The following TM7SF3 variants were observed in gnomAD, a reference collection of about 807,000 sequenced individuals.
The protein encoded by TM7SF3 is seven span transmembrane protein.
In TM7SF3, 60 loss-of-function variants were observed where a neutral mutation model predicts 65.5. The observed-to-expected ratio is 0.92, with a 90% CI of 0.74 to 1.14. The LOEUF (loss-of-function observed/expected upper bound fraction) is 1.14, where lower values mean the gene tolerates loss of function less well. TM7SF3 is among the 50% of genes most tolerant of loss of function. The pLI is 0.00. For synonymous variants in TM7SF3, 264 were observed against 259.6 expected, an observed-to-expected ratio of 1.02 and a Z score of -0.16; for missense variants, 623 against 684.8, an observed-to-expected ratio of 0.91 and a Z score of 1.01.
At chr12:26,976,673 T>C (rs996343868) in intron 9 of TM7SF3, among the ~76,000 whole-genome samples, 1 of 152,228 alleles carries the variant, frequency 6.6e-6, no homozygotes, top group African/African-American at 2.4e-5. Flanking sequence ...CTCAGTTTCC[T>C]AACCCTCAAA....
At chr12:26,993,589 C>T (rs1940468814) in intron 5 of TM7SF3, among the ~76,000 whole-genome samples, 1 of 152,106 alleles carries the variant, frequency 6.6e-6, no homozygotes, top group African/African-American at 2.4e-5. Context: ...AAGGTCACTC[C>T]ATGTTAAAGT....
At position 26,990,646 on chromosome 12, in the gene TM7SF3, C is replaced by T. The variant is rs12299714; in HGVS notation, c.691-19G>A. 0.21 allele frequency: 335,831 copies of T among 1,603,594 alleles called. 37,499 individuals are homozygous for T. Among genetic ancestry groups the T allele is most frequent in the East Asian group, 0.37 (16,539 of 44,700 alleles). On this transcript the variant is annotated intron_variant, in intron 5 of 11. Transcript: ENST00000343028. ...TAACCACCTGAAGCCAAAAATAACA[C>T]ATGATTAGTGTTTAGGGGATTTTTT... is the stretch of plus-strand genomic sequence containing the variant.
At chr12:26,985,033 C>T (rs1281938746) in intron 6 of TM7SF3, among the ~76,000 whole-genome samples, 2 of 152,176 alleles carry the variant, frequency 1.3e-5, no homozygotes, top group African/African-American at 2.4e-5. Flanking sequence ...GAACTAACAT[C>T]ACTAGGAAGG....
intron 6 of TM7SF3, among the ~76,000 whole-genome samples, chr12:26,985,200 C>CTTCA (rs1565871606): frequency 6.6e-6 from 1 of 152,004 alleles, no homozygotes; most frequent in East Asian, 1.9e-4. Context: ...TTCAGTCCAT[C>CTTCA]GGTTAAAAAT....
Position 26,990,521 on chromosome 12 carries a change from G to C in TM7SF3, c.797C>G (p.Ser266Cys). Residue 266 changes from serine (S) to cysteine (C), a missense_variant, in exon 6 of 12, where the codon TCT becomes TGT. Coordinates refer to ENST00000343028, the MANE Select transcript of TM7SF3 (RefSeq NM_016551.3). ...VIVWDPFLNT[S>C]AAYIPAHTYA... Reference sequence around the variant, plus strand: ...TGTGTGAGCAGGAATGTAGGCAGCAGATGTATTTAGAAACGGGTCCCAAAC... The same window carrying C: ...TGTGTGAGCAGGAATGTAGGCAGCACATGTATTTAGAAACGGGTCCCAAAC... 2.5e-6 allele frequency: 4 copies of C among 1,614,070 alleles called. No homozygotes were observed. Among genetic ancestry groups the C allele is most frequent in the Non-Finnish European group, 3.4e-6 (4 of 1,179,916 alleles).
intron 1 of TM7SF3, among the ~76,000 whole-genome samples, chr12:27,007,571 C>G (rs1472309078): frequency 6.6e-6 from 1 of 151,892 alleles, no homozygotes; most frequent in African/African-American, 2.4e-5. Flanking sequence ...GGGACCCTCT[C>G]CAGATGAGTT....
intron 5 of TM7SF3, among the ~76,000 whole-genome samples, chr12:26,994,666 A>C (rs567238152): frequency 1.6e-4 from 24 of 152,352 alleles, no homozygotes; most frequent in Admixed American, 7.8e-4. Context: ...TGAGGGATAT[A>C]AAATGCAAAT....
chr12:27,005,865 A>G (rs1941011688), intron 1 of TM7SF3, among the ~76,000 whole-genome samples: 1 of 151,932 alleles, frequency 6.6e-6, no homozygotes, highest in Admixed American at 6.6e-5. Context: ...CAGTGGCGCA[A>G]TCTTAGCTCA....
intron 1 of TM7SF3, among the ~76,000 whole-genome samples, chr12:27,013,785 G>A (rs1941336347): frequency 6.6e-6 from 1 of 152,210 alleles, no homozygotes. Context: ...TTGAATTAAA[G>A]CCACAAACAT....
chr12:26,999,463 A>G, intron 3 of TM7SF3, 63 bp downstream of exon 3: 1 of 1,535,108 alleles, frequency 6.5e-7, no homozygotes, highest in Non-Finnish European at 8.9e-7. Context: ...AATTTTCCTT[A>G]AAGTTTCATG....
chr12:26,980,585 C>CACTTACTATCATACTTGAT lies in TM7SF3; in HGVS notation c.1016_1017insATCAAGTATGATAGTAAGT (p.Thr340SerfsTer12). The CACTTACTATCATACTTGAT allele has an allele frequency of 6.5e-7, 1 of 1,543,080 alleles. No individual in the cohort carries two copies. Among genetic ancestry groups the CACTTACTATCATACTTGAT allele is most frequent in the Non-Finnish European group, 8.9e-7 (1 of 1,119,906 alleles). ...ACTTACCATCATACTTGATAGGTGTCAGTCTTGTAATCAGTATATAAAAGA... is the reference window on the plus strand; with the variant it reads ...ACTTACCATCATACTTGATAGGTGTCACTTACTATCATACTTGATAGTCTTGTAATCAGTATATAAAAGA... On this transcript the variant is annotated frameshift_variant, in exon 8 of 12. Coordinates refer to ENST00000343028, the MANE Select transcript of TM7SF3 (RefSeq NM_016551.3). LOFTEE classifies it high-confidence loss of function.
At chr12:26,977,513 G>A in intron 9 of TM7SF3, among the ~76,000 whole-genome samples, 1 of 152,206 alleles carries the variant, frequency 6.6e-6, no homozygotes. Flanking sequence ...CAACACTTTG[G>A]GAGGCCGAGG....
At chr12:26,987,907 GAGA>G (rs1264282950) in intron 6 of TM7SF3, among the ~76,000 whole-genome samples, 1 of 152,082 alleles carries the variant, frequency 6.6e-6, no homozygotes, top group Non-Finnish European at 1.5e-5. Context: ...AGTGTCTCCT[GAGA>G]AGGACACATC....
intron 3 of TM7SF3, among the ~76,000 whole-genome samples, chr12:26,997,298 C>A (rs1214120751): frequency 6.6e-6 from 1 of 152,116 alleles, no homozygotes; most frequent in African/African-American, 2.4e-5. Flanking sequence ...TTAAAAAGAT[C>A]GGCTATTGGT....
chr12:26,980,587 G>A lies in TM7SF3; in HGVS notation c.1015C>T (p.Leu339=), dbSNP rs779324048. Residue 339 remains leucine, a synonymous_variant, in exon 8 of 12, where the codon CTG becomes TTG. Coordinates refer to ENST00000343028, the MANE Select transcript of TM7SF3 (RefSeq NM_016551.3). ...TTACCATCATACTTGATAGGTGTCA[G>A]TCTTGTAATCAGTATATAAAAGAAG... ...GFFFYILITR[L]TPIKYDVNLI... 1.9e-6 allele frequency: 3 copies of A among 1,549,484 alleles called. No homozygotes were observed. The highest frequency in any genetic ancestry group is 3.4e-5 in the Admixed American group (2 of 58,390).
At chr12:26,976,639 T>C (rs1468086975) in intron 9 of TM7SF3, among the ~76,000 whole-genome samples, 3 of 152,220 alleles carry the variant, frequency 2.0e-5, no homozygotes, top group Non-Finnish European at 4.4e-5. Context: ...AGCTCTTCCA[T>C]TCACTAGCTC....
rs1939398111 is a variant in TM7SF3, at chr12:26,972,418, G to A, written c.*1547C>T. 7.0e-6 allele frequency: 1 copy of A among 142,492 alleles called. No homozygotes were observed. Among genetic ancestry groups the A allele is most frequent in the Non-Finnish European group, 1.5e-5 (1 of 65,494 alleles). The allele number at this position is 142,492 out of a possible 1,614,324, so 8.8% of individuals were successfully genotyped here. ...AGGTTTTCTTATTAATGGCAATACA[G>A]ACTTTTTTTTTTTTTGAGACGGAGT... On this transcript the variant is annotated 3_prime_UTR_variant, in exon 12 of 12. Transcript: ENST00000343028.
At chr12:26,975,900 T>A (rs1391727993) in intron 10 of TM7SF3, 1 of 538,704 alleles carries the variant, frequency 1.9e-6, no homozygotes, top group Non-Finnish European at 3.3e-6. Flanking sequence ...ATCTTCCATA[T>A]GAAGGAACTT....
intron 1 of TM7SF3, among the ~76,000 whole-genome samples, chr12:27,009,776 T>C (rs1001430514): frequency 6.6e-6 from 1 of 152,250 alleles, no homozygotes; most frequent in Non-Finnish European, 1.5e-5. Flanking sequence ...CATGTAATTC[T>C]AATGTTTAGC....
Sources: allele counts gnomAD v4.1 joint callset (sites outside exome capture counted in the v4.1 genomes callset), GRCh38; gene constraint gnomAD v4.1.1; transcripts MANE v1.5; gene names NCBI Gene and HGNC (gene_info 2026-07-23, HGNC 2026-07-21).